The following PLXDC2 variants were observed in gnomAD, a reference collection of about 807,000 sequenced individuals.
PLXDC2 encodes the protein plexin domain-containing protein 2.
In PLXDC2, 40 loss-of-function variants were observed where a neutral mutation model predicts 68.9. The observed-to-expected ratio is 0.58, with a 90% CI of 0.45 to 0.76. PLXDC2 has a LOEUF of 0.76. Ranked by LOEUF, PLXDC2 falls within the 30% of genes least tolerant of loss-of-function variation. The probability of loss-of-function intolerance (pLI) is 0.00; values close to 1 mark genes in which losing one functional copy is unlikely to be tolerated. For synonymous variants in PLXDC2, 243 were observed against 234.2 expected, an observed-to-expected ratio of 1.04 and a Z score of -0.34; for missense variants, 644 against 661.9, an observed-to-expected ratio of 0.97 and a Z score of 0.30.
intron 6 of PLXDC2, among the ~76,000 whole-genome samples, chr10:20,163,995 A>C (rs915394548): frequency 2.0e-5 from 3 of 152,178 alleles, no homozygotes; most frequent in East Asian, 1.9e-4. Flanking sequence ...TTAACAGTGC[A>C]TTTATTTGTT....
At chr10:20,091,954 C>T (rs1204123202) in intron 4 of PLXDC2, among the ~76,000 whole-genome samples, 1 of 152,202 alleles carries the variant, frequency 6.6e-6, no homozygotes, top group East Asian at 1.9e-4. Flanking sequence ...AGGCAAATGC[C>T]TATCATAGTA....
intron 2 of PLXDC2, among the ~76,000 whole-genome samples, chr10:20,012,297 C>A: frequency 7.9e-6 from 1 of 126,928 alleles, no homozygotes; most frequent in South Asian, 2.7e-4. Flanking sequence ...CTCTCTCTCT[C>A]TCTCTCTTTT....
chr10:19,860,048 A>G (rs1837290368), intron 1 of PLXDC2, among the ~76,000 whole-genome samples: 1 of 152,170 alleles, frequency 6.6e-6, no homozygotes, highest in South Asian at 2.1e-4. Context: ...ATTTGTATTC[A>G]AAGAAAATCC....
intron 6 of PLXDC2, among the ~76,000 whole-genome samples, chr10:20,148,669 C>A (rs555999117): frequency 7.2e-5 from 11 of 152,238 alleles, no homozygotes; most frequent in African/African-American, 2.4e-4. Context: ...TTTAGATAGT[C>A]TCTAATTATG....
chr10:20,233,017 T>C (rs1009196531), intron 12 of PLXDC2, among the ~76,000 whole-genome samples: 1 of 152,222 alleles, frequency 6.6e-6, no homozygotes, highest in East Asian at 1.9e-4. Flanking sequence ...TAAAGCCAAA[T>C]GATAATAATA....
At chr10:20,082,072 A>AAAAAC (rs1836576120) in intron 4 of PLXDC2, among the ~76,000 whole-genome samples, 1 of 149,262 alleles carries the variant, frequency 6.7e-6, no homozygotes, top group African/African-American at 2.5e-5. Context: ...ATCAAAAAAA[A>AAAAAC]AAAACAGGAG....
chr10:19,817,275 C>T (rs113293155), intron 1 of PLXDC2, 84 bp downstream of exon 1: 6 of 1,094,046 alleles, frequency 5.5e-6, no homozygotes, highest in Middle Eastern at 2.0e-4. Flanking sequence ...CCCTCTCCCC[C>T]CAACATCACC....
At chr10:20,134,207 G>A (rs1833904655) in intron 4 of PLXDC2, among the ~76,000 whole-genome samples, 1 of 152,156 alleles carries the variant, frequency 6.6e-6, no homozygotes. Context: ...GCAGTTCATA[G>A]ATCTCCAATT....
chr10:20,122,531 A>G lies in PLXDC2; in HGVS notation c.542-20764A>G, dbSNP rs576913823. 1.3e-4 allele frequency among the ~76,000 whole-genome samples: 20 copies of G among 152,316 alleles called. No homozygotes were observed. The East Asian group carries it at 3.9e-3, about 29-fold the overall frequency. On this transcript the variant is annotated intron_variant, in intron 4 of 13. Transcript: ENST00000377252. ...AGGTGAGTTGGACAGTCCGATTTCCAGTGGAGTCCCGCACAGATGGGACGC... is the reference window on the plus strand; with the variant it reads ...AGGTGAGTTGGACAGTCCGATTTCCGGTGGAGTCCCGCACAGATGGGACGC...
chr10:20,031,903 G>T (rs1835506909), intron 2 of PLXDC2, among the ~76,000 whole-genome samples: 4 of 151,914 alleles, frequency 2.6e-5, no homozygotes, highest in African/African-American at 7.3e-5. Context: ...TCGGCCCACT[G>T]CAACCTCCCA....
At chr10:20,091,497 T>C (rs897671383) in intron 4 of PLXDC2, among the ~76,000 whole-genome samples, 2 of 152,274 alleles carry the variant, frequency 1.3e-5, no homozygotes, top group East Asian at 3.9e-4. Flanking sequence ...AATCTTGCCT[T>C]TCCAAACTTT....
chr10:20,175,885 G>A (rs779607093), intron 7 of PLXDC2, among the ~76,000 whole-genome samples: 29 of 152,118 alleles, frequency 1.9e-4, no homozygotes, highest in Non-Finnish European at 3.4e-4. Context: ...GTGTTATTCC[G>A]GAAATGCATT....
At chr10:20,067,322 A>G (rs952202908) in intron 3 of PLXDC2, among the ~76,000 whole-genome samples, 1 of 151,862 alleles carries the variant, frequency 6.6e-6, no homozygotes, top group Non-Finnish European at 1.5e-5. Context: ...TTATCCTAGA[A>G]CTCTTGTGTT....
At chr10:20,243,338 G>T (rs968409894) in intron 12 of PLXDC2, among the ~76,000 whole-genome samples, 1 of 152,106 alleles carries the variant, frequency 6.6e-6, no homozygotes, top group Non-Finnish European at 1.5e-5. Context: ...TTTGGTACTT[G>T]CAAAGTAATA....
chr10:19,981,785 T>A (rs1834555063), intron 1 of PLXDC2, among the ~76,000 whole-genome samples: 2 of 152,230 alleles, frequency 1.3e-5, no homozygotes, highest in Admixed American at 6.5e-5. Context: ...ATGTACTTCA[T>A]ACAATAATGG....
chr10:20,014,638 T>C (rs1835179044), intron 2 of PLXDC2, among the ~76,000 whole-genome samples: 1 of 152,170 alleles, frequency 6.6e-6, no homozygotes, highest in Non-Finnish European at 1.5e-5. Context: ...GTTATTTTGC[T>C]CCCTTGAATA....
At chr10:20,254,665 T>C (rs1228573132) in intron 13 of PLXDC2, among the ~76,000 whole-genome samples, 1 of 152,176 alleles carries the variant, frequency 6.6e-6, no homozygotes, top group African/African-American at 2.4e-5. Context: ...GCAAAACACA[T>C]CTGACATGGT....
chr10:20,083,273 A>G (rs1041955749), intron 4 of PLXDC2, among the ~76,000 whole-genome samples: 5 of 151,980 alleles, frequency 3.3e-5, no homozygotes, highest in African/African-American at 7.2e-5. Flanking sequence ...CAGGAGATTG[A>G]CACCATCCTG....
chr10:20,085,032 A>T (rs1036092606), intron 4 of PLXDC2, among the ~76,000 whole-genome samples: 28 of 152,024 alleles, frequency 1.8e-4, no homozygotes, highest in African/African-American at 5.8e-4. Context: ...AAATGGCACA[A>T]CCCTCGGGTC....
Sources: allele counts gnomAD v4.1 joint callset (sites outside exome capture counted in the v4.1 genomes callset), GRCh38; gene constraint gnomAD v4.1.1; transcripts MANE v1.5; gene names NCBI Gene and HGNC (gene_info 2026-07-23, HGNC 2026-07-21).